SLC10A7: variants seen among roughly 807,000 people sequenced by gnomAD.
The protein encoded by SLC10A7 is sodium/bile acid cotransporter 7.
Under a neutral mutation model 43.2 loss-of-function variants are expected in SLC10A7, and 29 were observed. The observed-to-expected ratio is 0.67, with a 90% CI of 0.50 to 0.92. SLC10A7 has a LOEUF of 0.92. Ranked by LOEUF, SLC10A7 falls within the 40% of genes least tolerant of loss-of-function variation. SLC10A7 has a pLI of 0.00. For synonymous variants in SLC10A7, 152 were observed against 144.8 expected (o/e 1.05, Z -0.35); for missense variants, 295 against 403.2 (o/e 0.73, Z 2.30).
intron 5 of SLC10A7, among the ~76,000 whole-genome samples, chr4:146,402,066 C>T (rs1739263356): frequency 6.6e-6 from 1 of 152,058 alleles, no homozygotes; most frequent in Non-Finnish European, 1.5e-5. Flanking sequence ...CATGATACCC[C>T]ATTGGTGGAG....
chr4:146,461,683 A>G (rs1053278492), intron 4 of SLC10A7, among the ~76,000 whole-genome samples: 4 of 151,992 alleles, frequency 2.6e-5, no homozygotes, highest in African/African-American at 4.8e-5. Context: ...AAATGTATCA[A>G]ATATAATACA....
chr4:146,512,631 A>G (rs1337664229), intron 2 of SLC10A7, among the ~76,000 whole-genome samples: 2 of 152,170 alleles, frequency 1.3e-5, no homozygotes, highest in African/African-American at 2.4e-5. Flanking sequence ...ACCTATAGAG[A>G]GCAACCTGGC....
intron 5 of SLC10A7, among the ~76,000 whole-genome samples, chr4:146,326,436 T>A (rs549784249): frequency 1.3e-5 from 2 of 152,260 alleles, no homozygotes; most frequent in African/African-American, 4.8e-5. Flanking sequence ...GAATGAGATG[T>A]CATGATTTTG....
At chr4:146,426,425 TC>T (rs1440964366) in intron 5 of SLC10A7, among the ~76,000 whole-genome samples, 1 of 152,126 alleles carries the variant, frequency 6.6e-6, no homozygotes, top group African/African-American at 2.4e-5. Context: ...ACATCTGTAA[TC>T]CCAACACTTT....
chr4:146,348,628 T>C (rs188188146), intron 5 of SLC10A7, among the ~76,000 whole-genome samples: 1 of 152,282 alleles, frequency 6.6e-6, no homozygotes, highest in East Asian at 1.9e-4. Context: ...GCATACAGAT[T>C]TCTTCTGGAG....
At chr4:146,305,781 G>C in intron 7 of SLC10A7, 145 bp downstream of exon 7, 2 of 693,714 alleles carry the variant, frequency 2.9e-6, no homozygotes, top group Non-Finnish European at 2.4e-6. Flanking sequence ...TGAGAATACT[G>C]TGATTGATGA....
In SLC10A7 at chr4:146,283,232, C is replaced by T; in HGVS notation, c.807G>A (p.Val269=). The T allele has an allele frequency of 6.2e-7, 1 of 1,613,426 alleles. No homozygotes were observed. Among genetic ancestry groups the T allele is most frequent in the Admixed American group, 1.7e-5 (1 of 59,998 alleles). Residue 269 remains valine, a synonymous_variant, in exon 10 of 12, where the codon GTG becomes GTA. Transcript: ENST00000335472. ...TGTGTGTAGAACAGAAAATGATAGCCACTGTGTCTGCTGGTGTGAAACCCG... is the reference window on the plus strand; with the variant it reads ...TGTGTGTAGAACAGAAAATGATAGCTACTGTGTCTGCTGGTGTGAAACCCG... ...NNSGFTPADT[V]AIIFCSTHKS...
At chr4:146,483,923 G>A (rs565472626) in intron 4 of SLC10A7, among the ~76,000 whole-genome samples, 75 of 152,184 alleles carry the variant, frequency 4.9e-4, no homozygotes, top group South Asian at 1.2e-3. Context: ...TTCATCAAGA[G>A]GACATAACCA....
intron 5 of SLC10A7, among the ~76,000 whole-genome samples, chr4:146,335,875 G>A (rs1733862072): frequency 6.6e-6 from 1 of 151,992 alleles, no homozygotes; most frequent in South Asian, 2.1e-4. Flanking sequence ...GGGTGAATCT[G>A]CTAAATATCT....
chr4:146,333,914 G>A (rs1187828400), intron 5 of SLC10A7, among the ~76,000 whole-genome samples: 1 of 152,134 alleles, frequency 6.6e-6, no homozygotes, highest in Non-Finnish European at 1.5e-5. Context: ...CCAGGCAGAA[G>A]ATGATCTGGG....
In SLC10A7 at chr4:146,285,777, T is replaced by C. The variant is rs530622080; in HGVS notation, c.774-2512A>G. Among the ~76,000 whole-genome samples the C allele has an allele frequency of 3.0e-4, 45 of 152,276 alleles. No homozygotes were observed. In the South Asian group the frequency reaches 9.1e-3, roughly 31 times the overall value. On this transcript the variant is annotated intron_variant, in intron 9 of 11. Transcript: ENST00000335472. The stretch of plus-strand genomic sequence containing the variant: ...TTGTAGTGGTGAGAAGGACTGAGTT[T>C]GTAGTGGTAAAAAGGACTGTGTTTG...
chr4:146,310,925 C>T (rs961111138), intron 6 of SLC10A7, among the ~76,000 whole-genome samples: 2 of 139,386 alleles, frequency 1.4e-5, no homozygotes, highest in African/African-American at 5.5e-5. Flanking sequence ...AAGCTGGGCT[C>T]CTCTTTTTGT....
At chr4:146,322,305 T>C (rs989993781) in intron 6 of SLC10A7, among the ~76,000 whole-genome samples, 17 of 152,050 alleles carry the variant, frequency 1.1e-4, no homozygotes, top group African/African-American at 3.9e-4. Context: ...TGTGCCATGT[T>C]GGTGTGCTAC....
chr4:146,425,324 T>A (rs1172651076), intron 5 of SLC10A7, among the ~76,000 whole-genome samples: 1 of 152,232 alleles, frequency 6.6e-6, no homozygotes, highest in Admixed American at 6.5e-5. Context: ...AAATAGTTTG[T>A]TTATTAAATA....
At chr4:146,404,907 AT>A (rs1213102780) in intron 5 of SLC10A7, among the ~76,000 whole-genome samples, 1 of 152,224 alleles carries the variant, frequency 6.6e-6, no homozygotes. Context: ...TTGTTTGTAC[AT>A]TTCATGTGAA....
At chr4:146,335,251 T>TAAAAAAAAAAAAAAAAAAAAA (rs34522588) in intron 5 of SLC10A7, among the ~76,000 whole-genome samples, 1 of 92,640 alleles carries the variant, frequency 1.1e-5, no homozygotes, top group African/African-American at 4.3e-5. Context: ...ACAGATGTTG[T>TAAAAAAAAAAAAAAAAAAAAA]AAAAAAAAAA....
chr4:146,403,962 T>G (rs965434165), intron 5 of SLC10A7, among the ~76,000 whole-genome samples: 54 of 152,192 alleles, frequency 3.5e-4, no homozygotes, highest in Non-Finnish European at 1.0e-4. Flanking sequence ...ATGTTTTCAA[T>G]TTTTATCCAT....
At chr4:146,433,385 G>T (rs1415939655) in intron 5 of SLC10A7, among the ~76,000 whole-genome samples, 4 of 151,402 alleles carry the variant, frequency 2.6e-5, no homozygotes, top group African/African-American at 9.7e-5. Context: ...ATAAGCAAAA[G>T]ATATGAACAG....
intron 5 of SLC10A7, among the ~76,000 whole-genome samples, chr4:146,326,969 GAA>G (rs1553957097): frequency 1.6e-5 from 1 of 61,148 alleles, no homozygotes; most frequent in Non-Finnish European, 2.8e-5. Flanking sequence ...CACACACACA[GAA>G]AAAGAGAGAG....
Sources: gnomAD v4.1 joint callset for allele counts (sites outside exome capture counted in the v4.1 genomes callset) on GRCh38, gnomAD v4.1.1 for gene constraint, MANE v1.5 for transcripts, NCBI Gene and HGNC (gene_info 2026-07-23, HGNC 2026-07-21) for gene names.